The following PLEKHG7 variants were observed in gnomAD, a reference collection of about 807,000 sequenced individuals.
PLEKHG7 encodes pleckstrin homology domain-containing family G member 7.
A neutral mutation model predicts 85.2 loss-of-function variants in PLEKHG7; 77 were observed. That is an observed-to-expected ratio of 0.90 (90% CI 0.75 to 1.09). The LOEUF (loss-of-function observed/expected upper bound fraction) is 1.09, where lower values mean the gene tolerates loss of function less well. PLEKHG7 is among the 50% of genes least tolerant of loss of function. PLEKHG7 has a pLI of 0.00. For synonymous variants in PLEKHG7, 301 were observed against 302.4 expected, an observed-to-expected ratio of 1.00 and a Z score of 0.05; for missense variants, 777 against 804.3, an observed-to-expected ratio of 0.97 and a Z score of 0.41.
chr12:92,725,182 G>T (rs1391844577), intron 3 of PLEKHG7, among the ~76,000 whole-genome samples: 1 of 152,034 alleles, frequency 6.6e-6, no homozygotes, highest in Non-Finnish European at 1.5e-5. Context: ...GGCACCTAGG[G>T]GATAAAACAT....
At chr12:92,722,231 C>T (rs78078627) in intron 3 of PLEKHG7, among the ~76,000 whole-genome samples, 3,573 of 152,068 alleles carry the variant, frequency 0.023, 142 homozygotes, top group African/African-American at 0.079. Context: ...GACACAGACC[C>T]GGGTCTTTTC....
At chr12:92,720,920 A>G (rs1402687265) in intron 3 of PLEKHG7, among the ~76,000 whole-genome samples, 1 of 152,126 alleles carries the variant, frequency 6.6e-6, no homozygotes, top group African/African-American at 2.4e-5. Flanking sequence ...TCTTCTTCCC[A>G]TTCACAAGTC....
chr12:92,732,619 C>CAGTT (rs1306070152), intron 5 of PLEKHG7, among the ~76,000 whole-genome samples: 11 of 152,200 alleles, frequency 7.2e-5, no homozygotes, highest in African/African-American at 2.7e-4. Context: ...CCCCAGTTTG[C>CAGTT]AGTTAGTGTC....
intron 9 of PLEKHG7, among the ~76,000 whole-genome samples, chr12:92,743,119 G>A (rs1002223490): frequency 1.3e-5 from 2 of 152,176 alleles, no homozygotes; most frequent in Non-Finnish European, 2.9e-5. Flanking sequence ...AATCTCAGTG[G>A]CTTGGTTCAT....
At chr12:92,748,704 G>A (rs1283481120) in intron 10 of PLEKHG7, among the ~76,000 whole-genome samples, 1 of 152,156 alleles carries the variant, frequency 6.6e-6, no homozygotes, top group Admixed American at 6.5e-5. Context: ...TAGCCAATAG[G>A]TGGCAAAGAA....
At chr12:92,766,384 A>G (rs866149195) in intron 15 of PLEKHG7, among the ~76,000 whole-genome samples, 6 of 152,230 alleles carry the variant, frequency 3.9e-5, no homozygotes, top group Non-Finnish European at 7.3e-5. Flanking sequence ...CAGAACACCC[A>G]TGAGGAAGAG....
chr12:92,742,351 A>C (rs1373062345), intron 9 of PLEKHG7, among the ~76,000 whole-genome samples: 4 of 152,194 alleles, frequency 2.6e-5, no homozygotes, highest in Non-Finnish European at 5.9e-5. Context: ...AAAGTAAGAT[A>C]AATGCTGGGG....
At position 92,769,374 on chromosome 12, in the gene PLEKHG7, C is replaced by T. The variant is rs180920115; in HGVS notation, c.1968+294C>T. The stretch of plus-strand genomic sequence containing the variant: ...CCTGCAGAAGCTCAAGAACTGCCTG[C>T]GTTCTACAGTTTCTGTAGGAAATGG... On this transcript the variant is annotated intron_variant, in intron 16 of 16. Coordinates refer to ENST00000344636, the MANE Select transcript of PLEKHG7 (RefSeq NM_001377329.1). 2.9e-4 allele frequency among the ~76,000 whole-genome samples: 44 copies of T among 152,226 alleles called. No homozygotes were observed. The East Asian group carries it at 4.1e-3, about 14-fold the overall frequency.
At chr12:92,759,034 T>G (rs1472855302) in intron 13 of PLEKHG7, among the ~76,000 whole-genome samples, 1 of 152,160 alleles carries the variant, frequency 6.6e-6, no homozygotes, top group Non-Finnish European at 1.5e-5. Flanking sequence ...CTGCTGATAA[T>G]GATGATGACA....
At chr12:92,750,643 C>A (rs539444097) in intron 10 of PLEKHG7, among the ~76,000 whole-genome samples, 8 of 152,298 alleles carry the variant, frequency 5.3e-5, no homozygotes, top group Admixed American at 3.9e-4. Flanking sequence ...GAACTCCCAG[C>A]CACCCAAGAG....
rs545739692 is a variant in PLEKHG7 at position 92,754,383 on chromosome 12, A to G, written c.1426+119A>G. 2.6e-5 allele frequency: 25 copies of G among 975,364 alleles called. No homozygotes were observed. The Admixed American group carries it at 3.4e-4, about 13-fold the overall frequency. 60.4% of individuals were successfully genotyped at this position (975,364 alleles called of 1,614,324 possible). On this transcript the variant is annotated intron_variant, in intron 11 of 16. Coordinates refer to ENST00000344636, the MANE Select transcript of PLEKHG7 (RefSeq NM_001377329.1). ...TGATTTGAGGTCATGGCTCTTGGAA[A>G]TGTGGGTTCAAGTGTGAGTGCATTG...
intron 7 of PLEKHG7, among the ~76,000 whole-genome samples, chr12:92,738,582 C>T (rs1303882353): frequency 1.3e-5 from 2 of 152,180 alleles, no homozygotes; most frequent in African/African-American, 4.8e-5. Context: ...TCTGCCATTG[C>T]AGTACAAAAG....
In PLEKHG7 at chr12:92,724,248, T is replaced by C. The variant is rs180928203; in HGVS notation, c.531-4745T>C. Among the ~76,000 whole-genome samples, 5 of 152,332 alleles carry C rather than the reference T, an allele frequency of 3.3e-5. No homozygotes were observed. The East Asian group carries it at 9.6e-4, about 29-fold the overall frequency. On this transcript the variant is annotated intron_variant, in intron 3 of 16. Coordinates refer to ENST00000344636, the MANE Select transcript of PLEKHG7 (RefSeq NM_001377329.1). ...GTCAATCCCAGTGTCCTGTATGCAA[T>C]ATGATGAAGGTAGAATTATGTTTCT...
At chr12:92,754,339 T>A (rs1592686287) in intron 11 of PLEKHG7, 75 bp downstream of exon 11, 2 of 1,386,160 alleles carry the variant, frequency 1.4e-6, no homozygotes, top group African/African-American at 1.4e-5. Context: ...TGGGCTTCCA[T>A]CCTAGGAGGT....
intron 13 of PLEKHG7, among the ~76,000 whole-genome samples, chr12:92,761,322 C>T (rs984169387): frequency 6.6e-6 from 1 of 151,974 alleles, no homozygotes; most frequent in African/African-American, 2.4e-5. Flanking sequence ...TGAGTTGAAG[C>T]CACTACAAAT....
chr12:92,706,582 A>G lies in PLEKHG7; in HGVS notation c.-50A>G. 6.5e-7 allele frequency: 1 copy of G among 1,532,424 alleles called. No homozygotes were observed. Among genetic ancestry groups the G allele is most frequent in the Non-Finnish European group, 8.7e-7 (1 of 1,143,564 alleles). 94.9% of individuals were successfully genotyped at this position (1,532,424 alleles called of 1,614,324 possible). On this transcript the variant is annotated 5_prime_UTR_variant, in exon 2 of 17. Coordinates refer to ENST00000344636, the MANE Select transcript of PLEKHG7 (RefSeq NM_001377329.1). The stretch of plus-strand genomic sequence containing the variant: ...CCTCCATGTGATCCAGAGAACAGCA[A>G]CTCATACGTCTTCTGGAACCTTCTA...
chr12:92,715,852 G>T (rs1403175266), intron 3 of PLEKHG7, among the ~76,000 whole-genome samples: 1 of 152,080 alleles, frequency 6.6e-6, no homozygotes, highest in Admixed American at 6.6e-5. Flanking sequence ...ATTGCCTGTG[G>T]CTGTTTCAAC....
chr12:92,743,095 G>A (rs1456257579), intron 9 of PLEKHG7, among the ~76,000 whole-genome samples: 2 of 152,260 alleles, frequency 1.3e-5, no homozygotes, highest in East Asian at 3.9e-4. Flanking sequence ...TGCCACGGTA[G>A]CAAATGACCT....
At chr12:92,760,629 C>T (rs1481509946) in intron 13 of PLEKHG7, among the ~76,000 whole-genome samples, 1 of 152,144 alleles carries the variant, frequency 6.6e-6, no homozygotes, top group Non-Finnish European at 1.5e-5. Flanking sequence ...CCTCTGAAAT[C>T]ACTTAAATTT....
Sources: gnomAD v4.1 joint callset for allele counts (sites outside exome capture counted in the v4.1 genomes callset) on GRCh38, gnomAD v4.1.1 for gene constraint, MANE v1.5 for transcripts, NCBI Gene and HGNC (gene_info 2026-07-23, HGNC 2026-07-21) for gene names.